NKAIN2: variants seen among roughly 807,000 people sequenced by gnomAD.
NKAIN2 encodes the protein sodium/potassium transporting ATPase interacting 2.
Under a neutral mutation model 32.6 loss-of-function variants are expected in NKAIN2, and 14 were observed. The ratio of observed to expected loss-of-function variants is 0.43; its 90% confidence interval spans 0.28 to 0.67. The LOEUF is 0.67. NKAIN2 is among the 30% of genes least tolerant of loss of function. The probability of loss-of-function intolerance (pLI) is 0.17; values close to 1 mark genes in which losing one functional copy is unlikely to be tolerated. For missense variants in NKAIN2, 198 were observed against 258.3 expected (o/e 0.77, Z 1.60); for synonymous variants, 80 against 87.2 (o/e 0.92, Z 0.46).
intron 3 of NKAIN2, among the ~76,000 whole-genome samples, chr6:124,617,316 G>T (rs74500148): frequency 6.6e-6 from 1 of 151,902 alleles, no homozygotes; most frequent in African/African-American, 2.4e-5. Flanking sequence ...ATCTATTCTC[G>T]CATTTTTCTT....
chr6:124,705,989 G>C (rs1354391802), intron 4 of NKAIN2, among the ~76,000 whole-genome samples: 1 of 151,990 alleles, frequency 6.6e-6, no homozygotes, highest in East Asian at 1.9e-4. Context: ...TTTTTTGAGA[G>C]ATTGATAATG....
chr6:124,090,624 T>C (rs963418992), intron 1 of NKAIN2, among the ~76,000 whole-genome samples: 1 of 151,992 alleles, frequency 6.6e-6, no homozygotes, highest in African/African-American at 2.4e-5. Context: ...AGAAAGACAC[T>C]TAACTTCTCT....
chr6:123,921,573 A>T (rs948740824), intron 1 of NKAIN2, among the ~76,000 whole-genome samples: 1 of 152,118 alleles, frequency 6.6e-6, no homozygotes, highest in Non-Finnish European at 1.5e-5. Flanking sequence ...AGCGTTCATT[A>T]CTCAGAGGGC....
At chr6:124,405,588 C>T (rs1305077728) in intron 3 of NKAIN2, among the ~76,000 whole-genome samples, 1 of 150,698 alleles carries the variant, frequency 6.6e-6, no homozygotes, top group African/African-American at 2.4e-5. Flanking sequence ...CTATATTGCC[C>T]AGGCAGGTCT....
At chr6:124,221,212 A>G (rs1791797113) in intron 1 of NKAIN2, among the ~76,000 whole-genome samples, 1 of 151,976 alleles carries the variant, frequency 6.6e-6, no homozygotes, top group African/African-American at 2.4e-5. Context: ...TACACCATGG[A>G]ATACTATGCA....
chr6:124,772,455 G>T (rs1217932338), intron 4 of NKAIN2, among the ~76,000 whole-genome samples: 1 of 152,160 alleles, frequency 6.6e-6, no homozygotes, highest in African/African-American at 2.4e-5. Context: ...TGCCGAGTGG[G>T]CAGCTGCACA....
intron 3 of NKAIN2, among the ~76,000 whole-genome samples, chr6:124,611,773 T>A (rs1583517995): frequency 6.6e-6 from 1 of 152,152 alleles, no homozygotes; most frequent in Non-Finnish European, 1.5e-5. Flanking sequence ...ATCCCCTAGA[T>A]GTTTATAATA....
chr6:124,486,071 T>C (rs1777637162), intron 3 of NKAIN2, among the ~76,000 whole-genome samples: 1 of 152,238 alleles, frequency 6.6e-6, no homozygotes, highest in South Asian at 2.1e-4. Context: ...TGTTAGCTCC[T>C]ATCCAGTTTT....
intron 4 of NKAIN2, among the ~76,000 whole-genome samples, chr6:124,689,573 T>C (rs1308728430): frequency 6.6e-6 from 1 of 152,150 alleles, no homozygotes; most frequent in Non-Finnish European, 1.5e-5. Context: ...TGTCACCTTC[T>C]AGAAGCTTTA....
chr6:124,049,060 T>C (rs1782274668), intron 1 of NKAIN2, among the ~76,000 whole-genome samples: 1 of 152,072 alleles, frequency 6.6e-6, no homozygotes, highest in Non-Finnish European at 1.5e-5. Context: ...AAGCTCAGTT[T>C]ATTATAGTCA....
intron 4 of NKAIN2, among the ~76,000 whole-genome samples, chr6:124,717,821 T>G (rs909597950): frequency 6.6e-6 from 1 of 152,170 alleles, no homozygotes; most frequent in East Asian, 1.9e-4. Context: ...TAGCCCACTC[T>G]GGTTCTGCCC....
chr6:124,702,056 T>C (rs1214563083), intron 4 of NKAIN2, among the ~76,000 whole-genome samples: 1 of 152,094 alleles, frequency 6.6e-6, no homozygotes, highest in African/African-American at 2.4e-5. Flanking sequence ...ACATTCCTCA[T>C]GGAAGAATAG....
chr6:124,634,083 T>C (rs1211945680), intron 3 of NKAIN2, among the ~76,000 whole-genome samples: 1 of 150,414 alleles, frequency 6.6e-6, no homozygotes, highest in Non-Finnish European at 1.5e-5. Flanking sequence ...ACACCATAGA[T>C]ACATCTACAG....
intron 1 of NKAIN2, among the ~76,000 whole-genome samples, chr6:124,010,098 T>C (rs1036607593): frequency 2.0e-5 from 3 of 152,174 alleles, no homozygotes; most frequent in Non-Finnish European, 4.4e-5. Context: ...TCTGTTCCTT[T>C]AAAATTTTAA....
intron 1 of NKAIN2, among the ~76,000 whole-genome samples, chr6:124,155,547 G>T (rs1483437021): frequency 6.6e-6 from 1 of 151,656 alleles, no homozygotes; most frequent in East Asian, 1.9e-4. Flanking sequence ...GAAAAAATGA[G>T]AGTCTTATTT....
At chr6:124,273,007 G>T (rs925695419) in intron 1 of NKAIN2, among the ~76,000 whole-genome samples, 2 of 152,140 alleles carry the variant, frequency 1.3e-5, no homozygotes, top group Non-Finnish European at 2.9e-5. Flanking sequence ...ACTTGTTTTT[G>T]ATTTTACAGG....
intron 1 of NKAIN2, among the ~76,000 whole-genome samples, chr6:123,983,653 CTT>C (rs1224063864): frequency 1.3e-5 from 2 of 152,070 alleles, no homozygotes; most frequent in Admixed American, 1.3e-4. Flanking sequence ...CCCCCCACCT[CTT>C]GTCTGATTAT....
intron 3 of NKAIN2, among the ~76,000 whole-genome samples, chr6:124,535,148 T>C: frequency 6.6e-6 from 1 of 152,356 alleles, no homozygotes; most frequent in East Asian, 1.9e-4. Context: ...CACAGTTGAT[T>C]GCACCCATAG....
At chr6:124,143,480 A>G (rs1412304992) in intron 1 of NKAIN2, among the ~76,000 whole-genome samples, 6 of 148,246 alleles carry the variant, frequency 4.0e-5, no homozygotes, top group African/African-American at 1.5e-4. Context: ...AGAAGAAAAA[A>G]GTATCAACAA....
Sources: gnomAD v4.1 joint callset for allele counts (sites outside exome capture counted in the v4.1 genomes callset) on GRCh38, gnomAD v4.1.1 for gene constraint, MANE v1.5 for transcripts, NCBI Gene and HGNC (gene_info 2026-07-23, HGNC 2026-07-21) for gene names.